Variants in SLC14A2 observed in about 807,000 individuals in gnomAD.
SLC14A2 encodes the protein urea transporter 2.
Under a neutral mutation model 104.6 loss-of-function variants are expected in SLC14A2, and 91 were observed. The observed-to-expected ratio is 0.87, with a 90% CI of 0.73 to 1.04. The LOEUF (loss-of-function observed/expected upper bound fraction) is 1.04. Ranked by LOEUF, SLC14A2 falls within the 50% of genes least tolerant of loss-of-function variation. SLC14A2 has a pLI of 0.00. For synonymous variants in SLC14A2, 476 were observed against 466.4 expected (o/e 1.02, Z -0.27); for missense variants, 1,189 against 1,156.0 (o/e 1.03, Z -0.41).
At chr18:45,309,777 C>T (rs904428793) in intron 1 of SLC14A2, among the ~76,000 whole-genome samples, 2 of 152,128 alleles carry the variant, frequency 1.3e-5, no homozygotes, top group Admixed American at 1.3e-4. Context: ...AGCCACTACC[C>T]AACTTCAGAA....
chr18:45,235,870 T>C (rs961741920), intron 1 of SLC14A2, among the ~76,000 whole-genome samples: 3 of 111,178 alleles, frequency 2.7e-5, no homozygotes, highest in South Asian at 2.6e-4. Flanking sequence ...TATGTGTGTA[T>C]ATATGTATAT....
chr18:45,219,590 A>G (rs1282290863), intron 1 of SLC14A2, among the ~76,000 whole-genome samples: 3 of 152,240 alleles, frequency 2.0e-5, no homozygotes, highest in African/African-American at 7.2e-5. Flanking sequence ...CATTTGCAAA[A>G]TAGCAAAGAG....
chr18:45,317,940 T>G (rs2085145948), intron 1 of SLC14A2, among the ~76,000 whole-genome samples: 1 of 152,140 alleles, frequency 6.6e-6, no homozygotes, highest in South Asian at 2.1e-4. Context: ...GAGCCCCACC[T>G]CAAGAGCTTT....
intron 17 of SLC14A2, 69 bp downstream of exon 17, chr18:45,673,116 A>G: frequency 3.5e-6 from 5 of 1,434,616 alleles, no homozygotes; most frequent in Non-Finnish European, 3.9e-6. Flanking sequence ...TAAAATGGTG[A>G]CTCTCATCTT....
chr18:45,231,325 C>T (rs2084172612), intron 1 of SLC14A2, among the ~76,000 whole-genome samples: 1 of 152,166 alleles, frequency 6.6e-6, no homozygotes, highest in African/African-American at 2.4e-5. Flanking sequence ...ACCTCAGCCT[C>T]CTGAGTACCT....
chr18:45,612,638 C>T (rs1317236336), upstream of SLC14A2, among the ~76,000 whole-genome samples: 1 of 152,218 alleles, frequency 6.6e-6, no homozygotes, highest in African/African-American at 2.4e-5. Context: ...AAAACCAAGA[C>T]ACAGAGAGGT....
intron 1 of SLC14A2, among the ~76,000 whole-genome samples, chr18:45,317,508 C>T (rs965374754): frequency 2.0e-5 from 3 of 152,070 alleles, no homozygotes; most frequent in Non-Finnish European, 4.4e-5. Flanking sequence ...ATAACAGGAG[C>T]CTGTTTTAGA....
intron 12 of SLC14A2, 33 bp downstream of exon 12, chr18:45,666,252 G>A (rs765774542): frequency 1.3e-5 from 19 of 1,452,918 alleles, no homozygotes; most frequent in Admixed American, 6.7e-5. Context: ...CAGGGACAGC[G>A]CCCTACAGTC....
intron 2 of SLC14A2, among the ~76,000 whole-genome samples, chr18:45,530,478 T>C (rs2043666538): frequency 6.6e-6 from 1 of 152,168 alleles, no homozygotes; most frequent in Admixed American, 6.6e-5. Flanking sequence ...TTATATCTCA[T>C]ACTATCAGCT....
chr18:45,604,835 A>T (rs764700083), intron 2 of SLC14A2, among the ~76,000 whole-genome samples: 3 of 152,202 alleles, frequency 2.0e-5, no homozygotes, highest in Non-Finnish European at 4.4e-5. Flanking sequence ...TGGAGGGCCT[A>T]ATCTCATCGT....
At chr18:45,436,937 C>T (rs952690508) in intron 1 of SLC14A2, among the ~76,000 whole-genome samples, 1 of 152,118 alleles carries the variant, frequency 6.6e-6, no homozygotes, top group Admixed American at 6.5e-5. Flanking sequence ...CAAAGGAAGA[C>T]ACATTTGAAC....
Position 45,414,757 on chromosome 18 carries a change from A to AAAAAATAT in SLC14A2, c.-124-68475_-124-68474insAAAATATA, listed in dbSNP as rs1360051908. Among the ~76,000 whole-genome samples the AAAAAATAT allele has an allele frequency of 3.9e-4, 30 of 76,098 alleles. 1 individual carries two copies. Among genetic ancestry groups the AAAAAATAT allele is most frequent in the African/African-American group, 2.2e-3 (29 of 13,012 alleles). 49.9% of individuals were successfully genotyped at this position (76,098 alleles called of 152,430 possible). A position where few individuals can be genotyped will look rare whatever the true frequency, so the allele number is the denominator to read the frequency against. On this transcript the variant is annotated intron_variant, in intron 1 of 20. Coordinates refer to the SLC14A2 transcript ENST00000586448. The stretch of plus-strand genomic sequence containing the variant: ...AGGCACCGAGCGTAAAAAAAAAAAA[A>AAAAAATAT]ATATATATATATATATATATATATA...
intron 1 of SLC14A2, among the ~76,000 whole-genome samples, chr18:45,418,586 C>T (rs1266319411): frequency 2.0e-5 from 3 of 152,162 alleles, no homozygotes; most frequent in Non-Finnish European, 4.4e-5. Context: ...GGAACGGTAC[C>T]TTCAGGTCAG....
the SLC14A2 span, among the ~76,000 whole-genome samples, chr18:45,174,445 G>A: frequency 6.6e-6 from 1 of 152,066 alleles, no homozygotes; most frequent in Non-Finnish European, 1.5e-5. Flanking sequence ...ACTCTAGCAA[G>A]GTTACACATA....
chr18:45,636,937 A>G (rs2045425060), intron 5 of SLC14A2, 53 bp from the exon 6 acceptor site: 1 of 1,450,454 alleles, frequency 6.9e-7, no homozygotes, highest in Admixed American at 1.7e-5. Context: ...TGCTGAGACA[A>G]TGTAGACCTC....
chr18:45,653,671 C>G (rs1333176797), intron 10 of SLC14A2, among the ~76,000 whole-genome samples: 2 of 152,242 alleles, frequency 1.3e-5, no homozygotes, highest in African/African-American at 4.8e-5. Context: ...TTCGTCACAC[C>G]CTTCTTGCTC....
At chr18:45,189,868 C>G in the SLC14A2 span, among the ~76,000 whole-genome samples, 1 of 151,900 alleles carries the variant, frequency 6.6e-6, no homozygotes, top group African/African-American at 2.4e-5. Flanking sequence ...AGTAGGCAGG[C>G]AGTCCCATCC....
intron 2 of SLC14A2, chr18:45,485,391 C>T (rs1333606087): frequency 6.6e-6 from 1 of 152,196 alleles, no homozygotes; most frequent in African/African-American, 2.4e-5. Flanking sequence ...CCACTACATG[C>T]TACTGACCTC....
At chr18:45,429,158 C>T (rs918316420) in intron 1 of SLC14A2, among the ~76,000 whole-genome samples, 5 of 152,160 alleles carry the variant, frequency 3.3e-5, no homozygotes, top group Admixed American at 3.3e-4. Flanking sequence ...TATTTATTGG[C>T]ATAAAGAAAT....
Sources: allele counts gnomAD v4.1 joint callset (sites outside exome capture counted in the v4.1 genomes callset), GRCh38; gene constraint gnomAD v4.1.1; transcripts MANE v1.5; gene names NCBI Gene and HGNC (gene_info 2026-07-23, HGNC 2026-07-21).